The following MAN1A2 variants were observed in gnomAD, a reference collection of about 807,000 sequenced individuals.
The protein encoded by MAN1A2 is mannosyl-oligosaccharide 1,2-alpha-mannosidase IB.
A neutral mutation model predicts 75.7 loss-of-function variants in MAN1A2; 26 were observed. That is an observed-to-expected ratio of 0.34 (90% CI 0.25 to 0.48). The LOEUF (loss-of-function observed/expected upper bound fraction) is 0.48, where lower values mean the gene tolerates loss of function less well. Ranked by LOEUF, MAN1A2 falls within the 20% of genes least tolerant of loss-of-function variation. MAN1A2 has a pLI of 0.99. For missense variants in MAN1A2, 562 were observed against 775.5 expected (o/e 0.72, Z 3.27); for synonymous variants, 247 against 264.6 (o/e 0.93, Z 0.65).
chr1:117,441,989 A>G (rs925471102), intron 5 of MAN1A2, among the ~76,000 whole-genome samples: 5 of 152,108 alleles, frequency 3.3e-5, no homozygotes, highest in South Asian at 2.1e-4. Context: ...CACCAAAACT[A>G]TGTCCTTCCT....
At chr1:117,410,429 T>C (rs1189403753) in intron 3 of MAN1A2, among the ~76,000 whole-genome samples, 1 of 151,772 alleles carries the variant, frequency 6.6e-6, no homozygotes, top group Non-Finnish European at 1.5e-5. Flanking sequence ...AGGGGATTTC[T>C]TTAACCTGAT....
At chr1:117,431,011 C>T (rs1221087137) in intron 5 of MAN1A2, among the ~76,000 whole-genome samples, 8 of 130,854 alleles carry the variant, frequency 6.1e-5, no homozygotes, top group Admixed American at 4.6e-4. Flanking sequence ...GGCTGGAGAC[C>T]GGCCCGGCCA....
intron 12 of MAN1A2, chr1:117,515,574 A>G (rs1651685410): frequency 6.6e-6 from 1 of 152,132 alleles, no homozygotes; most frequent in Non-Finnish European, 1.5e-5. Flanking sequence ...CTGAAAAAAT[A>G]CCTTTAAAAA....
intron 2 of MAN1A2, 50 bp downstream of exon 2, chr1:117,402,491 A>T: frequency 1.4e-6 from 2 of 1,464,624 alleles, no homozygotes; most frequent in Non-Finnish European, 1.8e-6. Flanking sequence ...TTGTATTTGG[A>T]TACAAACAAA....
chr1:117,387,227 A>AAAC (rs1401422525), intron 1 of MAN1A2, among the ~76,000 whole-genome samples: 153 of 152,036 alleles, frequency 1.0e-3, no homozygotes, highest in African/African-American at 3.7e-3. Flanking sequence ...AAAAAAAAAA[A>AAAC]AAAAAAAACA....
rs1255167664 is a variant in MAN1A2 at position 117,445,866 on chromosome 1, G to GTATATATATATATA, written c.950+3542_950+3543insATATATATATATAT. Among the ~76,000 whole-genome samples the GTATATATATATATA allele has an allele frequency of 8.0e-4, 96 of 120,092 alleles. 5 individuals are homozygous for GTATATATATATATA. Among genetic ancestry groups the GTATATATATATATA allele is most frequent in the East Asian group, 3.2e-3 (13 of 4,038 alleles). The allele number at this position is 120,092 out of a possible 152,430, so 78.8% of individuals were successfully genotyped here. On this transcript the variant is annotated intron_variant, in intron 6 of 12. Coordinates refer to ENST00000356554, the MANE Select transcript of MAN1A2 (RefSeq NM_006699.5). ...TGTGTGTGTGTGTGTGTGTATGTGTGTGTGTGTCTGTGTGTGTGTATATAT... is the reference window on the plus strand; with the variant it reads ...TGTGTGTGTGTGTGTGTGTATGTGTGTATATATATATATATGTGTGTCTGTGTGTGTGTATATAT...
At position 117,417,534 on chromosome 1, in the gene MAN1A2, AATATATATAT is replaced by A. The variant is rs551507232; in HGVS notation, c.774+2718_774+2727del. ...GACTTTGGAGATATCCTTGAGTTTAAATATATATATATATATATATATATGTGATATATAT... is the reference window on the plus strand; with the variant it reads ...GACTTTGGAGATATCCTTGAGTTTAAATATATATATATATGTGATATATAT... On this transcript the variant is annotated intron_variant, in intron 4 of 12. Coordinates refer to ENST00000356554, the MANE Select transcript of MAN1A2 (RefSeq NM_006699.5). Among the ~76,000 whole-genome samples the A allele has an allele frequency of 1.9e-4, 17 of 89,208 alleles. 1 individual carries two copies. The highest frequency in any genetic ancestry group is 9.6e-4 in the South Asian group (2 of 2,076). The allele number at this position is 89,208 out of a possible 152,430, so 58.5% of individuals were successfully genotyped here. A position where few individuals can be genotyped will look rare whatever the true frequency, so the allele number is the denominator to read the frequency against.
At chr1:117,504,636 A>C (rs1469705208) in intron 12 of MAN1A2, among the ~76,000 whole-genome samples, 2 of 151,370 alleles carry the variant, frequency 1.3e-5, no homozygotes, top group African/African-American at 4.8e-5. Flanking sequence ...TTGTTCCAAT[A>C]ATGTACTTTA....
At chr1:117,442,734 T>C (rs1649078978) in intron 6 of MAN1A2, among the ~76,000 whole-genome samples, 1 of 152,130 alleles carries the variant, frequency 6.6e-6, no homozygotes, top group African/African-American at 2.4e-5. Context: ...TAGAAAATAA[T>C]ATACCTAGAA....
Position 117,368,058 on chromosome 1 carries a change from C to A in MAN1A2, c.-126C>A. 1.1e-6 allele frequency: 1 copy of A among 890,962 alleles called. No individual in the cohort carries two copies. Among genetic ancestry groups the A allele is most frequent in the Non-Finnish European group, 1.7e-6 (1 of 583,204 alleles). 55.2% of individuals were successfully genotyped at this position (890,962 alleles called of 1,614,324 possible). On this transcript the variant is annotated 5_prime_UTR_variant, in exon 1 of 13. Coordinates refer to ENST00000356554, the MANE Select transcript of MAN1A2 (RefSeq NM_006699.5). ...TGACGTGCCCTCTTAAAAAGCACAA[C>A]AGTCCTTTAAGAGGAGCAAAATTGA...
intron 7 of MAN1A2, among the ~76,000 whole-genome samples, chr1:117,464,665 T>G (rs975032962): frequency 7.2e-5 from 11 of 152,226 alleles, no homozygotes; most frequent in Admixed American, 5.9e-4. Flanking sequence ...TATAATGTGT[T>G]GAGAAGCTGG....
chr1:117,499,802 A>G (rs934652272), intron 11 of MAN1A2, among the ~76,000 whole-genome samples: 1 of 149,946 alleles, frequency 6.7e-6, no homozygotes, highest in Admixed American at 6.7e-5. Context: ...GGAATTTTTA[A>G]TGGTTAGTTA....
chr1:117,420,245 A>G (rs1183221842), intron 4 of MAN1A2, among the ~76,000 whole-genome samples: 2 of 152,098 alleles, frequency 1.3e-5, no homozygotes, highest in African/African-American at 4.8e-5. Context: ...ATCATGACCC[A>G]GAATTCTAGA....
chr1:117,406,104 T>C (rs968713865), intron 3 of MAN1A2, among the ~76,000 whole-genome samples: 5 of 152,134 alleles, frequency 3.3e-5, no homozygotes, highest in Admixed American at 6.5e-5. Context: ...CATTCACAGT[T>C]CCTAAGGAAA....
Position 117,414,732 on chromosome 1 carries a change from T to C in MAN1A2, c.675T>C (p.Ala225=). 1.3e-6 allele frequency: 2 copies of C among 1,599,282 alleles called. No homozygotes were observed. Among genetic ancestry groups the C allele is most frequent in the South Asian group, 2.2e-5 (2 of 90,382 alleles). Reference sequence around the variant, plus strand: ...ATATAGGAAGTTCACAAATGGGTGCTACCATAGTAGATGCTTTGGATACCC... The same window carrying C: ...ATATAGGAAGTTCACAAATGGGTGCCACCATAGTAGATGCTTTGGATACCC... ...PNIFGSSQMG[A]TIVDALDTLY... Residue 225 remains alanine, a synonymous_variant, in exon 4 of 13, where the codon GCT becomes GCC. Coordinates refer to ENST00000356554, the MANE Select transcript of MAN1A2 (RefSeq NM_006699.5).
intron 12 of MAN1A2, among the ~76,000 whole-genome samples, chr1:117,512,779 A>ACACACACACG (rs1253121564): frequency 6.6e-6 from 1 of 151,678 alleles, no homozygotes; most frequent in African/African-American, 2.4e-5. Flanking sequence ...ACACACACAC[A>ACACACACACG]CACACGTAGG....
At chr1:117,466,608 A>G (rs574360079) in intron 8 of MAN1A2, among the ~76,000 whole-genome samples, 181 bp downstream of exon 8, 102 of 152,258 alleles carry the variant, frequency 6.7e-4, no homozygotes, top group Non-Finnish European at 7.5e-4. Context: ...TCCCACTTAT[A>G]AAATGGAAAT....
chr1:117,520,393 T>C (rs1286413024), intron 12 of MAN1A2, among the ~76,000 whole-genome samples: 1 of 152,026 alleles, frequency 6.6e-6, no homozygotes, highest in Non-Finnish European at 1.5e-5. Flanking sequence ...TGTTTGCTGA[T>C]GATATGATCA....
chr1:117,442,679 CTCTTTT>C (rs1161632802), intron 6 of MAN1A2, among the ~76,000 whole-genome samples: 3 of 152,116 alleles, frequency 2.0e-5, no homozygotes, highest in Admixed American at 6.6e-5. Flanking sequence ...TACATCCTCC[CTCTTTT>C]TCTTTTTATA....
Sources: allele counts gnomAD v4.1 joint callset (sites outside exome capture counted in the v4.1 genomes callset), GRCh38; gene constraint gnomAD v4.1.1; transcripts MANE v1.5; gene names NCBI Gene and HGNC (gene_info 2026-07-23, HGNC 2026-07-21).